The following GLIS3 variants were observed in gnomAD, a reference collection of about 807,000 sequenced individuals.
GLIS3 encodes the protein GLIS family zinc finger 3.
Under a neutral mutation model 78.6 loss-of-function variants are expected in GLIS3, and 53 were observed. That is an observed-to-expected ratio of 0.67 (90% CI 0.54 to 0.85). The LOEUF (loss-of-function observed/expected upper bound fraction) is 0.85. GLIS3 is among the 40% of genes least tolerant of loss of function. The pLI is 0.00. For synonymous variants in GLIS3, 684 were observed against 509.9 expected, an observed-to-expected ratio of 1.34 and a Z score of -4.60; for missense variants, 1,703 against 1,231.1, an observed-to-expected ratio of 1.38 and a Z score of -5.74.
intron 2 of GLIS3, among the ~76,000 whole-genome samples, chr9:4,185,055 A>G (rs570131360): frequency 6.6e-6 from 1 of 152,340 alleles, no homozygotes; most frequent in South Asian, 2.1e-4. Context: ...CTAAGATTAG[A>G]CCATTGCCAT....
At chr9:3,927,090 AT>A (rs111951639) in intron 6 of GLIS3, among the ~76,000 whole-genome samples, 1 of 151,828 alleles carries the variant, frequency 6.6e-6, no homozygotes, top group East Asian at 1.9e-4. Flanking sequence ...TTTTCTGTTT[AT>A]TTTTTTTACT....
chr9:4,370,392 T>C, the GLIS3 span, among the ~76,000 whole-genome samples: 1 of 152,044 alleles, frequency 6.6e-6, no homozygotes, highest in African/African-American at 2.4e-5. Context: ...GCCTTGTCTC[T>C]AGCCCAGTGT....
At chr9:4,024,794 G>C (rs990198515) in intron 4 of GLIS3, among the ~76,000 whole-genome samples, 1 of 152,118 alleles carries the variant, frequency 6.6e-6, no homozygotes, top group East Asian at 1.9e-4. Context: ...TCACCGATTA[G>C]ATTGCTTCCT....
At chr9:4,480,900 C>T in the GLIS3 span, among the ~76,000 whole-genome samples, 1 of 150,946 alleles carries the variant, frequency 6.6e-6, no homozygotes, top group Non-Finnish European at 1.5e-5. Context: ...GTTGCTGAGG[C>T]TAGAGTACAG....
Position 4,118,821 on chromosome 9 carries a change from C to T in GLIS3, c.657G>A (p.Ser219=), listed in dbSNP as rs545701878. 3.2e-5 allele frequency: 52 copies of T among 1,607,678 alleles called. No individual in the cohort carries two copies. In the South Asian group the frequency reaches 5.2e-4, roughly 16 times the overall value. ...STTLSLTESQ[S]ASSMKQEWSQ... ...ACCACTCCTGCTTCATGCTTGAGGC[C>T]GACTGACTTTCCGTCAGACTCAAGG... The change falls in exon 4 of 11, where the codon TCG becomes TCA. Residue 219 remains serine (S), a synonymous_variant. Transcript: ENST00000381971. This position sits in a 1 kb window ranked among gnomAD's most constrained non-coding sequence, Gnocchi z 4.7.
chr9:4,124,158 G>T (rs534430801), intron 3 of GLIS3, among the ~76,000 whole-genome samples: 1 of 151,694 alleles, frequency 6.6e-6, no homozygotes, highest in South Asian at 2.1e-4. Context: ...ATTTCACCAA[G>T]CAATTCCCAA....
the GLIS3 span, among the ~76,000 whole-genome samples, chr9:4,424,895 A>G: frequency 2.0e-5 from 3 of 151,998 alleles, no homozygotes; most frequent in African/African-American, 7.3e-5. Flanking sequence ...TTTCTGATGA[A>G]AAGAATACAC....
At chr9:4,252,981 G>A (rs1286289179) in intron 2 of GLIS3, among the ~76,000 whole-genome samples, 3 of 152,184 alleles carry the variant, frequency 2.0e-5, no homozygotes, top group Admixed American at 2.0e-4. Context: ...TCCTTCCTCT[G>A]GAAGCTTCAT....
At chr9:4,482,902 T>C in the GLIS3 span, among the ~76,000 whole-genome samples, 1 of 152,116 alleles carries the variant, frequency 6.6e-6, no homozygotes, top group South Asian at 2.1e-4. Context: ...TTTATTTGGA[T>C]GGTGGAATTT....
chr9:4,384,663 T>C, the GLIS3 span, among the ~76,000 whole-genome samples: 6 of 152,002 alleles, frequency 3.9e-5, no homozygotes, highest in East Asian at 1.2e-3. Flanking sequence ...CTAACCTAAA[T>C]CATGGTCTCC....
intron 9 of GLIS3, among the ~76,000 whole-genome samples, chr9:3,850,810 C>T (rs1042858151): frequency 1.1e-4 from 17 of 152,296 alleles, no homozygotes; most frequent in Admixed American, 2.0e-4. Flanking sequence ...ACACACGCCA[C>T]GGTGTCATTT....
At chr9:4,357,134 A>G in the GLIS3 span, among the ~76,000 whole-genome samples, 9 of 152,208 alleles carry the variant, frequency 5.9e-5, no homozygotes, top group Non-Finnish European at 1.0e-4. Flanking sequence ...TCTTATTTAA[A>G]ATCTTTGGGG....
At chr9:4,279,819 C>A (rs1449796198) in intron 2 of GLIS3, among the ~76,000 whole-genome samples, 4 of 149,632 alleles carry the variant, frequency 2.7e-5, no homozygotes, top group East Asian at 2.0e-4. Flanking sequence ...CTGAGAATAC[C>A]ACAGACAATG....
In GLIS3 at chr9:4,097,894, T is replaced by G. The variant is rs371281326; in HGVS notation, c.1710+19874A>C. ...CCCCACAAAACAAAAAAGTCTGAAT[T>G]CTAACATATTTTCAATTTTTTTTGT... On this transcript the variant is annotated intron_variant, in intron 4 of 10. Coordinates refer to ENST00000381971, the MANE Select transcript of GLIS3 (RefSeq NM_001042413.2). Among the ~76,000 whole-genome samples, 9 of 152,178 alleles carry G rather than the reference T, an allele frequency of 5.9e-5. No individual in the cohort carries two copies. In the East Asian group the frequency reaches 1.3e-3, roughly 23 times the overall value.
At chr9:4,321,465 C>CAAAAAAAAAAAA (rs1817527878) in intron 2 of GLIS3, among the ~76,000 whole-genome samples, 2 of 53,530 alleles carry the variant, frequency 3.7e-5, no homozygotes, top group Non-Finnish European at 5.0e-5. Flanking sequence ...AAAAAAAAAT[C>CAAAAAAAAAAAA]AGGTGCCTAG....
At chr9:4,205,467 A>G (rs1334026851) in intron 2 of GLIS3, among the ~76,000 whole-genome samples, 1 of 152,232 alleles carries the variant, frequency 6.6e-6, no homozygotes, top group Non-Finnish European at 1.5e-5. Context: ...GGATTCTGAG[A>G]AAAAGACATG....
rs138211423 is a variant in GLIS3, at chr9:4,255,863, G to A, written c.388+30175C>T. On this transcript the variant is annotated intron_variant, in intron 2 of 10. Coordinates refer to ENST00000381971, the MANE Select transcript of GLIS3 (RefSeq NM_001042413.2). ...ACCCTAAGGTAAACTATGGACTCTG[G>A]GTAATCATGATGTGTCAATGCAGGT... 3.3e-5 allele frequency among the ~76,000 whole-genome samples: 5 copies of A among 152,092 alleles called. No homozygotes were observed. The East Asian group carries it at 9.7e-4, about 29-fold the overall frequency.
chr9:4,186,177 T>G (rs1586912933), intron 2 of GLIS3, among the ~76,000 whole-genome samples: 1 of 111,224 alleles, frequency 9.0e-6, no homozygotes, highest in African/African-American at 3.5e-5. Context: ...GTACCCAGAG[T>G]GTGATGTTCC....
the GLIS3 span, among the ~76,000 whole-genome samples, chr9:4,411,208 T>C: frequency 4.6e-5 from 7 of 152,322 alleles, no homozygotes; most frequent in Non-Finnish European, 8.8e-5. Flanking sequence ...ACTCACACTT[T>C]TTCTCAATTT....
Sources: gnomAD v4.1 joint callset for allele counts (sites outside exome capture counted in the v4.1 genomes callset) on GRCh38, gnomAD v4.1.1 for gene constraint, Gnocchi (gnomAD v3.1) non-coding constraint, MANE v1.5 for transcripts, NCBI Gene and HGNC (gene_info 2026-07-23, HGNC 2026-07-21) for gene names.